The following KDM5A variants were observed in gnomAD, a reference collection of about 807,000 sequenced individuals.
The protein encoded by KDM5A is lysine demethylase 5A, also known as lysine-specific demethylase 5A.
A neutral mutation model predicts 193.5 loss-of-function variants in KDM5A; 42 were observed. That is an observed-to-expected ratio of 0.22 (90% CI 0.17 to 0.28). The LOEUF is 0.28. Ranked by LOEUF, KDM5A falls within the 10% of genes least tolerant of loss-of-function variation. The pLI is 1.00. For synonymous variants in KDM5A, 796 were observed against 718.1 expected, an observed-to-expected ratio of 1.11 and a Z score of -1.73; for missense variants, 1,692 against 2,055.1, an observed-to-expected ratio of 0.82 and a Z score of 3.42.
intron 19 of KDM5A, among the ~76,000 whole-genome samples, chr12:316,018 A>G (rs1943647261): frequency 6.6e-6 from 1 of 152,234 alleles, no homozygotes; most frequent in Admixed American, 6.5e-5. Context: ...AAAGAAAGGC[A>G]TCTATGCCAG....
At chr12:375,994 G>A (rs1214113011) in intron 3 of KDM5A, among the ~76,000 whole-genome samples, 1 of 152,234 alleles carries the variant, frequency 6.6e-6, no homozygotes, top group African/African-American at 2.4e-5. Context: ...GCCCCTACGA[G>A]GCGGTGCCTC....
chr12:283,068 G>A lies in KDM5A; in HGVS notation c.*2388C>T, dbSNP rs1378076623. 4.3e-6 allele frequency: 1 copy of A among 231,206 alleles called. No homozygotes were observed. Among genetic ancestry groups the A allele is most frequent in the Non-Finnish European group, 8.6e-6 (1 of 116,890 alleles). 14.3% of individuals were successfully genotyped at this position (231,206 alleles called of 1,614,324 possible). A position where few individuals can be genotyped will look rare whatever the true frequency, so the allele number is the denominator to read the frequency against. Reference sequence around the variant, plus strand: ...TCAAAACGTCAGAAGGTGACAGGAAGCTATTCATACTTTCTCAGCATCCTC... The same window carrying A: ...TCAAAACGTCAGAAGGTGACAGGAAACTATTCATACTTTCTCAGCATCCTC... On this transcript the variant is annotated 3_prime_UTR_variant, in exon 28 of 28. Coordinates refer to ENST00000399788, the MANE Select transcript of KDM5A (RefSeq NM_001042603.3).
At chr12:370,316 C>T (rs913372660) in intron 3 of KDM5A, among the ~76,000 whole-genome samples, 2 of 152,152 alleles carry the variant, frequency 1.3e-5, no homozygotes, top group Non-Finnish European at 2.9e-5. Context: ...TCACTTGAAC[C>T]CAGGAGGCGG....
rs1943139716 is a variant in KDM5A, at chr12:280,176, A to G, written c.*5280T>C. ...TCACTCTAGTTTATTCACATAATAT[A>G]GTATTTGATTCCATTCTTTTGTACT... On this transcript the variant is annotated 3_prime_UTR_variant, in exon 28 of 28. Transcript: ENST00000399788. 8.6e-6 allele frequency: 2 copies of G among 232,348 alleles called. No individual in the cohort carries two copies. The highest frequency in any genetic ancestry group is 4.4e-5 in the African/African-American group (2 of 45,304). 14.4% of individuals were successfully genotyped at this position (232,348 alleles called of 1,614,324 possible).
At chr12:338,906 G>A (rs920502247) in intron 10 of KDM5A, among the ~76,000 whole-genome samples, 1 of 152,184 alleles carries the variant, frequency 6.6e-6, no homozygotes, top group Non-Finnish European at 1.5e-5. Context: ...TCCGGCAGGC[G>A]CAGTGGCTCA....
intron 27 of KDM5A, 34 bp from the exon 28 acceptor site, chr12:285,696 AC>A: frequency 6.3e-7 from 1 of 1,580,050 alleles, no homozygotes; most frequent in Non-Finnish European, 8.7e-7. Context: ...TGTTTAGGTT[AC>A]ATAAACATTA....
intron 10 of KDM5A, among the ~76,000 whole-genome samples, chr12:348,979 T>C (rs1375570205): frequency 6.8e-6 from 1 of 147,590 alleles, no homozygotes; most frequent in Non-Finnish European, 1.5e-5. Context: ...ACGCATTCAG[T>C]GAGGTGAGTT....
rs771968216 is a variant in KDM5A, at chr12:329,046, C to G, written c.1774-17G>C. On this transcript the variant is annotated splice_polypyrimidine_tract_variant and intron_variant, in intron 13 of 27. Coordinates refer to ENST00000399788, the MANE Select transcript of KDM5A (RefSeq NM_001042603.3). ...AATGGGCAACTGAAAATGAGATTTC[C>G]AAATTAAATAACTCGCTTATAACAT... is the stretch of plus-strand genomic sequence containing the variant. The G allele has an allele frequency of 6.2e-7, 1 of 1,609,684 alleles. No homozygotes were observed. Among genetic ancestry groups the G allele is most frequent in the Non-Finnish European group, 8.5e-7 (1 of 1,176,150 alleles).
intron 1 of KDM5A, 43 bp from the exon 2 acceptor site, chr12:386,017 A>C (rs922586453): frequency 1.2e-5 from 18 of 1,448,252 alleles, no homozygotes; most frequent in Non-Finnish European, 1.7e-5. Context: ...TGGTATGTAA[A>C]CAAGGAATGC....
In KDM5A at chr12:322,640, CCTCA is replaced by C; in HGVS notation, c.2276-77_2276-74del. 3 of 1,343,758 alleles carry C rather than the reference CCTCA, an allele frequency of 2.2e-6. 1 individual carries two copies. The East Asian group carries it at 6.9e-5, about 31-fold the overall frequency. 83.2% of individuals were successfully genotyped at this position (1,343,758 alleles called of 1,614,324 possible). On this transcript the variant is annotated intron_variant, in intron 16 of 27. Transcript: ENST00000399788. ...AAAGCCATTCTAAAATCTTCACCAA[CCTCA>C]CTCAAGTGAGTCCCCAACCTACTTG...
At chr12:331,113 C>T (rs2137421943) in intron 13 of KDM5A, among the ~76,000 whole-genome samples, 1 of 151,616 alleles carries the variant, frequency 6.6e-6, no homozygotes, top group African/African-American at 2.4e-5. Flanking sequence ...AATGACAAGA[C>T]TAGTAAAATC....
intron 3 of KDM5A, among the ~76,000 whole-genome samples, chr12:380,967 T>A (rs1944565733): frequency 6.7e-6 from 1 of 149,974 alleles, no homozygotes. Flanking sequence ...GCTAATTTTT[T>A]GCATAATTAG....
Position 313,213 on chromosome 12 carries a change from C to T in KDM5A, c.2898-19G>A, listed in dbSNP as rs1234516184. ...CCTCGGTCTAAAAGAACAATAAAAA[C>T]AGAGTAGGATGCATGAGAAATCAAC... On this transcript the variant is annotated intron_variant, in intron 19 of 27. Coordinates refer to ENST00000399788, the MANE Select transcript of KDM5A (RefSeq NM_001042603.3). The T allele has an allele frequency of 6.2e-7, 1 of 1,613,650 alleles. No individual in the cohort carries two copies. The highest frequency in any genetic ancestry group is 1.7e-5 in the Admixed American group (1 of 60,022).
intron 13 of KDM5A, among the ~76,000 whole-genome samples, chr12:330,083 G>GCGTATA (rs1555132338): frequency 7.9e-6 from 1 of 127,194 alleles, no homozygotes; most frequent in Admixed American, 7.7e-5. Context: ...GTGTGTGTGT[G>GCGTATA]TGTATATATA....
chr12:386,749 G>A (rs1473288947), intron 1 of KDM5A, among the ~76,000 whole-genome samples: 3 of 152,100 alleles, frequency 2.0e-5, no homozygotes, highest in African/African-American at 7.2e-5. Flanking sequence ...TTAAAGTAGG[G>A]ATGGATGCTC....
intron 5 of KDM5A, among the ~76,000 whole-genome samples, chr12:356,816 T>C (rs1053376740): frequency 3.9e-5 from 6 of 152,206 alleles, no homozygotes; most frequent in Admixed American, 3.9e-4. Flanking sequence ...TATCACACAA[T>C]AGAAATCCCC....
intron 1 of KDM5A, chr12:388,556 G>A (rs1020098064): frequency 5.4e-6 from 2 of 369,274 alleles, no homozygotes; most frequent in South Asian, 2.2e-5. Flanking sequence ...ATCCAACCAG[G>A]TCTTGAATAA....
At chr12:385,481 C>T (rs1234400773) in intron 2 of KDM5A, among the ~76,000 whole-genome samples, 1 of 151,844 alleles carries the variant, frequency 6.6e-6, no homozygotes, top group East Asian at 1.9e-4. Flanking sequence ...ATTAACACTC[C>T]TGGCAAAGTT....
chr12:310,860 T>G (rs767912206), intron 21 of KDM5A, 25 bp downstream of exon 21: 2 of 1,609,780 alleles, frequency 1.2e-6, no homozygotes, highest in African/African-American at 1.3e-5. Context: ...ATCAGCTGCT[T>G]ATGAGAGTGT....
Sources: allele counts gnomAD v4.1 joint callset (sites outside exome capture counted in the v4.1 genomes callset), GRCh38; gene constraint gnomAD v4.1.1; transcripts MANE v1.5; gene names NCBI Gene and HGNC (gene_info 2026-07-23, HGNC 2026-07-21).